GMDS: variants seen among roughly 807,000 people sequenced by gnomAD.
GMDS encodes the protein GDP-mannose 4,6 dehydratase.
In GMDS, 20 loss-of-function variants were observed where a neutral mutation model predicts 49.9. That is an observed-to-expected ratio of 0.40 (90% confidence interval 0.28 to 0.58). GMDS has a LOEUF of 0.58. Among genes scored for constraint, GMDS ranks in the 20% least tolerant of loss-of-function variants. GMDS has a pLI of 0.42. For synonymous variants in GMDS, 177 were observed against 178.6 expected (o/e 0.99, Z 0.07); for missense variants, 362 against 481.4 (o/e 0.75, Z 2.32).
At chr6:1,824,960 C>A (rs374782758) in intron 7 of GMDS, among the ~76,000 whole-genome samples, 3 of 152,234 alleles carry the variant, frequency 2.0e-5, no homozygotes, top group South Asian at 2.1e-4. Context: ...CCTCGGGCAC[C>A]CAGCACGGTG....
chr6:1,838,494 T>G (rs893092868), intron 7 of GMDS, among the ~76,000 whole-genome samples: 1 of 152,214 alleles, frequency 6.6e-6, no homozygotes, highest in Non-Finnish European at 1.5e-5. Flanking sequence ...TATAAAGGCT[T>G]TGGCTGTTTT....
chr6:2,136,825 C>A (rs1222649136), intron 1 of GMDS, among the ~76,000 whole-genome samples: 1 of 151,094 alleles, frequency 6.6e-6, no homozygotes, highest in East Asian at 1.9e-4. Flanking sequence ...ATTGCCTGAG[C>A]CCAAGAGTTC....
At chr6:1,639,543 C>T (rs1442695975) in intron 9 of GMDS, among the ~76,000 whole-genome samples, 1 of 152,196 alleles carries the variant, frequency 6.6e-6, no homozygotes, top group African/African-American at 2.4e-5. Context: ...TGAATGTGGA[C>T]CCCCCAGGTG....
intron 9 of GMDS, among the ~76,000 whole-genome samples, chr6:1,631,999 G>T (rs1763016122): frequency 6.6e-6 from 1 of 152,196 alleles, no homozygotes; most frequent in Non-Finnish European, 1.5e-5. Flanking sequence ...ATCACAGGAA[G>T]GCTCAGAGGG....
intron 1 of GMDS, among the ~76,000 whole-genome samples, chr6:2,185,398 G>A (rs937774290): frequency 6.6e-5 from 10 of 152,028 alleles, no homozygotes; most frequent in Non-Finnish European, 1.3e-4. Context: ...TTTACATTAC[G>A]TATTCTTTGT....
chr6:1,653,931 G>A (rs1185761099), intron 9 of GMDS, among the ~76,000 whole-genome samples: 2 of 152,118 alleles, frequency 1.3e-5, no homozygotes, highest in Non-Finnish European at 1.5e-5. Flanking sequence ...GGCAACACGA[G>A]TAAAAGCAGA....
At chr6:1,856,880 G>A (rs977472862) in intron 7 of GMDS, among the ~76,000 whole-genome samples, 4 of 152,212 alleles carry the variant, frequency 2.6e-5, no homozygotes, top group Non-Finnish European at 5.9e-5. Flanking sequence ...CAACTCTCAT[G>A]TGCCACTGAG....
At chr6:2,014,740 T>G (rs1044113851) in intron 4 of GMDS, among the ~76,000 whole-genome samples, 1 of 152,122 alleles carries the variant, frequency 6.6e-6, no homozygotes, top group Non-Finnish European at 1.5e-5. Context: ...TTATTTGCAA[T>G]GTAAATAGTC....
Position 1,871,073 on chromosome 6 carries a change from C to T in GMDS, c.771+59030G>A, listed in dbSNP as rs554631987. Among the ~76,000 whole-genome samples the T allele has an allele frequency of 6.3e-4, 96 of 151,914 alleles. 2 individuals carry two copies. Among genetic ancestry groups the T allele is most frequent in the Middle Eastern group, 3.4e-3 (1 of 294 alleles). ...CTATCCCCCAGCACACACACACACA[C>T]ACACACACACACACTTAAACCACTG... On this transcript the variant is annotated intron_variant, in intron 7 of 10. Coordinates refer to ENST00000380815, the MANE Select transcript of GMDS (RefSeq NM_001500.4).
At chr6:2,244,753 T>A (rs1419281660) in intron 1 of GMDS, among the ~76,000 whole-genome samples, 3 of 152,026 alleles carry the variant, frequency 2.0e-5, no homozygotes, top group Non-Finnish European at 4.4e-5. Context: ...AAAAGTTTTT[T>A]AAGTTCTTTT....
At chr6:1,767,672 T>C (rs1022654127) in intron 7 of GMDS, among the ~76,000 whole-genome samples, 1 of 152,224 alleles carries the variant, frequency 6.6e-6, no homozygotes, top group Non-Finnish European at 1.5e-5. Context: ...GCAAATTCTC[T>C]GGGGGTTGTT....
At chr6:1,777,718 C>T (rs750181256) in intron 7 of GMDS, among the ~76,000 whole-genome samples, 5 of 152,124 alleles carry the variant, frequency 3.3e-5, no homozygotes, top group South Asian at 2.1e-4. Flanking sequence ...ATGAAATTCA[C>T]ATTTGTGGAA....
intron 9 of GMDS, among the ~76,000 whole-genome samples, chr6:1,649,090 T>C (rs972045313): frequency 3.3e-5 from 5 of 152,344 alleles, no homozygotes; most frequent in Admixed American, 3.3e-4. Flanking sequence ...ACATCAGGTT[T>C]TGGGTTATGC....
chr6:2,136,633 T>C (rs1353249951), intron 1 of GMDS, among the ~76,000 whole-genome samples: 1 of 152,106 alleles, frequency 6.6e-6, no homozygotes, highest in South Asian at 2.1e-4. Context: ...CACAGGAAGA[T>C]TGCTTGTAGT....
chr6:2,109,486 G>A (rs892194004), intron 4 of GMDS, among the ~76,000 whole-genome samples: 2 of 152,234 alleles, frequency 1.3e-5, no homozygotes, highest in African/African-American at 4.8e-5. Flanking sequence ...GCAGGTGCTT[G>A]CTGCATGGAT....
intron 7 of GMDS, among the ~76,000 whole-genome samples, chr6:1,820,015 A>G (rs916955964): frequency 1.1e-4 from 16 of 151,964 alleles, no homozygotes; most frequent in African/African-American, 3.9e-4. Flanking sequence ...TATCACACAA[A>G]CATTTCTGTC....
chr6:2,233,111 A>C (rs746449800), intron 1 of GMDS, among the ~76,000 whole-genome samples: 12 of 152,210 alleles, frequency 7.9e-5, no homozygotes, highest in Non-Finnish European at 1.2e-4. Context: ...ACTAAATGTC[A>C]GTAATGATAA....
intron 9 of GMDS, among the ~76,000 whole-genome samples, chr6:1,642,718 C>G (rs1763368881): frequency 6.6e-6 from 1 of 152,166 alleles, no homozygotes; most frequent in Admixed American, 6.5e-5. Context: ...TTCATGATGG[C>G]TTCTTGTGTC....
intron 9 of GMDS, among the ~76,000 whole-genome samples, chr6:1,639,647 G>T (rs1763268021): frequency 6.6e-6 from 1 of 152,238 alleles, no homozygotes; most frequent in South Asian, 2.1e-4. Flanking sequence ...CAGCACCTGG[G>T]AGGCCAAGGC....
Sources: gnomAD v4.1 joint callset for allele counts (sites outside exome capture counted in the v4.1 genomes callset) on GRCh38, gnomAD v4.1.1 for gene constraint, MANE v1.5 for transcripts, NCBI Gene and HGNC (gene_info 2026-07-23, HGNC 2026-07-21) for gene names.